PCDHA12: variants seen among roughly 807,000 people sequenced by gnomAD.
PCDHA12 encodes the protein protocadherin alpha 12.
PCDHA12 carries 44 observed loss-of-function variants against 60.0 expected under a neutral mutation model. The ratio of observed to expected loss-of-function variants is 0.73; its 90% confidence interval spans 0.58 to 0.94. The LOEUF is 0.94. Ranked by LOEUF, PCDHA12 falls within the 40% of genes least tolerant of loss-of-function variation. The probability of loss-of-function intolerance (pLI) is 0.00; values close to 1 mark genes in which losing one functional copy is unlikely to be tolerated. For missense variants in PCDHA12, 1,276 were observed against 1,239.7 expected, an observed-to-expected ratio of 1.03 and a Z score of -0.44; for synonymous variants, 569 against 553.0, an observed-to-expected ratio of 1.03 and a Z score of -0.40.
chr5:140,878,318 C>T (rs2057536608), intron 1 of PCDHA12, among the ~76,000 whole-genome samples: 1 of 152,176 alleles, frequency 6.6e-6, no homozygotes, highest in African/African-American at 2.4e-5. Context: ...TAGACATTTT[C>T]ACATTATATT....
In PCDHA12 at chr5:140,875,997, T is replaced by A. The variant is rs1441666431; in HGVS notation, c.525T>A (p.Asn175Lys). Residue 175 changes from asparagine to lysine, a missense_variant, in exon 1 of 4, where the codon AAT (asparagine) becomes AAA (lysine). Transcript: ENST00000398631. ...TTTTGACCTATGCGTTAAGTCTAAATGAGAATTTTGAGCTTAAAATAAAAA... is the reference window on the plus strand; with the variant it reads ...TTTTGACCTATGCGTTAAGTCTAAAAGAGAATTTTGAGCTTAAAATAAAAA... ...NSLLTYALSL[N>K]ENFELKIKTK... The A allele has an allele frequency of 6.2e-7, 1 of 1,613,924 alleles. No homozygotes were observed. The highest frequency in any genetic ancestry group is 2.2e-5 in the East Asian group (1 of 44,888).
At chr5:140,927,889 G>T (rs1554205185) in intron 1 of PCDHA12, 1 of 1,614,226 alleles carries the variant, frequency 6.2e-7, no homozygotes, top group Non-Finnish European at 8.5e-7. Context: ...GGTGACTGAC[G>T]TGAACGATCA....
chr5:141,005,451 C>G (rs1263058026), intron 3 of PCDHA12, among the ~76,000 whole-genome samples: 1 of 151,986 alleles, frequency 6.6e-6, no homozygotes, highest in Non-Finnish European at 1.5e-5. Flanking sequence ...CGCCTGTAAT[C>G]CCAGCACTTT....
At chr5:140,983,226 T>C (rs892083218) in intron 3 of PCDHA12, among the ~76,000 whole-genome samples, 1 of 152,216 alleles carries the variant, frequency 6.6e-6, no homozygotes, top group Non-Finnish European at 1.5e-5. Context: ...ATCCAAACTT[T>C]CAGGAAAGAG....
intron 3 of PCDHA12, among the ~76,000 whole-genome samples, chr5:140,987,826 G>T (rs1481540038): frequency 6.6e-6 from 1 of 152,014 alleles, no homozygotes; most frequent in Non-Finnish European, 1.5e-5. Flanking sequence ...TTTCCTTAGG[G>T]GATTGCTTTT....
At chr5:140,917,665 T>C (rs1174470921) in intron 1 of PCDHA12, among the ~76,000 whole-genome samples, 4 of 152,220 alleles carry the variant, frequency 2.6e-5, no homozygotes, top group African/African-American at 9.6e-5. Flanking sequence ...AGGAAGTCCT[T>C]TCTCCATTGC....
chr5:140,959,772 C>T (rs1554224331), intron 1 of PCDHA12, among the ~76,000 whole-genome samples: 1 of 152,120 alleles, frequency 6.6e-6, no homozygotes, highest in East Asian at 1.9e-4. Flanking sequence ...TCAGTAAGAA[C>T]AGTGTATATT....
intron 1 of PCDHA12, among the ~76,000 whole-genome samples, chr5:140,897,713 A>C (rs2066278692): frequency 1.3e-5 from 2 of 152,302 alleles, no homozygotes; most frequent in East Asian, 3.9e-4. Flanking sequence ...CAGTAATGGG[A>C]TGGCTGGGTC....
At chr5:140,941,150 G>T (rs894422349) in intron 1 of PCDHA12, among the ~76,000 whole-genome samples, 1 of 151,436 alleles carries the variant, frequency 6.6e-6, no homozygotes, top group Non-Finnish European at 1.5e-5. Context: ...TAGTTTGGAG[G>T]CCCCATAAGA....
At chr5:140,884,456 G>T in intron 1 of PCDHA12, 2 of 1,613,768 alleles carry the variant, frequency 1.2e-6, no homozygotes, top group Non-Finnish European at 1.7e-6. Context: ...GCCCACCGAG[G>T]GCGCGTGCGC....
intron 1 of PCDHA12, among the ~76,000 whole-genome samples, chr5:140,952,008 G>A (rs1427518321): frequency 6.6e-6 from 1 of 152,132 alleles, no homozygotes; most frequent in Non-Finnish European, 1.5e-5. Context: ...AAGAATTATA[G>A]GCCCCATGCA....
intron 1 of PCDHA12, among the ~76,000 whole-genome samples, chr5:140,903,607 A>G (rs938837767): frequency 6.6e-6 from 1 of 152,254 alleles, no homozygotes; most frequent in Non-Finnish European, 1.5e-5. Context: ...TGCTTAATAC[A>G]CATGAATGTG....
At chr5:141,000,415 ATATATATTTTTT>A (rs1251582263) in intron 3 of PCDHA12, among the ~76,000 whole-genome samples, 1 of 87,388 alleles carries the variant, frequency 1.1e-5, no homozygotes, top group East Asian at 3.4e-4. Context: ...ATATATATAT[ATATATATTTTTT>A]TTTTTTTTTT....
At chr5:141,000,421 A>ATATTT (rs1265241806) in intron 3 of PCDHA12, among the ~76,000 whole-genome samples, 4 of 27,980 alleles carry the variant, frequency 1.4e-4, no homozygotes, top group Non-Finnish European at 1.1e-4. Context: ...ATATATATAT[A>ATATTT]TTTTTTTTTT....
intron 1 of PCDHA12, among the ~76,000 whole-genome samples, chr5:140,948,360 C>T (rs1258504765): frequency 6.6e-6 from 1 of 151,494 alleles, no homozygotes; most frequent in Non-Finnish European, 1.5e-5. Context: ...AATAAAATGA[C>T]TTAGGAGGTG....
chr5:140,878,348 T>G (rs55915538), intron 1 of PCDHA12, among the ~76,000 whole-genome samples: 4,312 of 152,298 alleles, frequency 0.028, 189 homozygotes, highest in African/African-American at 0.098. Flanking sequence ...ATCACAATAA[T>G]ATAAATGATA....
chr5:140,954,843 G>T (rs1011520662), intron 1 of PCDHA12, among the ~76,000 whole-genome samples: 4 of 152,058 alleles, frequency 2.6e-5, no homozygotes, highest in African/African-American at 9.7e-5. Flanking sequence ...TGAAATCTTT[G>T]CCTGTGCCTA....
intron 1 of PCDHA12, among the ~76,000 whole-genome samples, chr5:140,957,571 G>C (rs2095367794): frequency 6.6e-6 from 1 of 152,186 alleles, no homozygotes; most frequent in South Asian, 2.1e-4. Context: ...AGGGACTACT[G>C]TACTTTTAAC....
At chr5:140,963,303 G>A (rs2153735006) in intron 1 of PCDHA12, among the ~76,000 whole-genome samples, 1 of 152,286 alleles carries the variant, frequency 6.6e-6, no homozygotes, top group South Asian at 2.1e-4. Flanking sequence ...GAGAAAATAA[G>A]AAGCTGTTTG....
Sources: allele counts gnomAD v4.1 joint callset (sites outside exome capture counted in the v4.1 genomes callset), GRCh38; gene constraint gnomAD v4.1.1; transcripts MANE v1.5; gene names NCBI Gene and HGNC (gene_info 2026-07-23, HGNC 2026-07-21).